The following PPFIBP1 variants were observed in gnomAD, a reference collection of about 807,000 sequenced individuals.
The protein encoded by PPFIBP1 is liprin-beta-1.
PPFIBP1 carries 112 observed loss-of-function variants against 137.8 expected under a neutral mutation model. The ratio of observed to expected loss-of-function variants is 0.81; its 90% CI spans 0.70 to 0.95. The LOEUF is 0.95. Ranked by LOEUF, PPFIBP1 falls within the 40% of genes least tolerant of loss-of-function variation. The pLI is 0.00. For synonymous variants in PPFIBP1, 378 were observed against 417.3 expected, an observed-to-expected ratio of 0.91 and a Z score of 1.15; for missense variants, 1,083 against 1,196.6, an observed-to-expected ratio of 0.91 and a Z score of 1.40.
intron 11 of PPFIBP1, among the ~76,000 whole-genome samples, chr12:27,662,857 A>G (rs1264223529): frequency 6.6e-6 from 1 of 152,246 alleles, no homozygotes; most frequent in Non-Finnish European, 1.5e-5. Flanking sequence ...GGAGAAATGC[A>G]GAGTTGTAGA....
At chr12:27,670,778 CAAAAA>C (rs1173003497) in intron 13 of PPFIBP1, among the ~76,000 whole-genome samples, 14 of 142,168 alleles carry the variant, frequency 9.8e-5, no homozygotes, top group African/African-American at 3.6e-4. Context: ...GACCCTGTCT[CAAAAA>C]AAAAAAAAAA....
At chr12:27,553,445 G>A (rs1253878803) in intron 1 of PPFIBP1, among the ~76,000 whole-genome samples, 1 of 152,208 alleles carries the variant, frequency 6.6e-6, no homozygotes, top group Non-Finnish European at 1.5e-5. Context: ...AGCTTTCTCT[G>A]TGGATGGGAC....
chr12:27,688,343 G>A lies in PPFIBP1; in HGVS notation c.2416G>A (p.Val806Met), dbSNP rs1166845304. Residue 806 changes from valine (V) to methionine (M), a missense_variant, in exon 26 of 30, where the codon GTG becomes ATG. Transcript: ENST00000228425. ...SEVQKWTNHR[V>M]MEWLRSVDLA... The stretch of plus-strand genomic sequence containing the variant: ...AGTTCAGAAGTGGACTAACCATCGA[G>A]TGATGGAGTGGCTGCGCTCCGTGGA... 1 of 1,614,056 alleles carries A rather than the reference G, an allele frequency of 6.2e-7. No homozygotes were observed. The highest frequency in any genetic ancestry group is 2.2e-5 in the East Asian group (1 of 44,882).
intron 2 of PPFIBP1, among the ~76,000 whole-genome samples, chr12:27,605,573 T>C (rs1177378149): frequency 6.6e-6 from 1 of 152,118 alleles, no homozygotes; most frequent in Non-Finnish European, 1.5e-5. Flanking sequence ...TAACTTAATA[T>C]ATAAAATATA....
At chr12:27,539,553 C>T (rs889825920) in intron 1 of PPFIBP1, among the ~76,000 whole-genome samples, 6 of 152,072 alleles carry the variant, frequency 3.9e-5, no homozygotes, top group African/African-American at 1.4e-4. Flanking sequence ...ATCAAGAAGC[C>T]CTATGTTTTT....
chr12:27,576,793 A>C (rs1278258361), intron 1 of PPFIBP1, among the ~76,000 whole-genome samples: 1 of 152,154 alleles, frequency 6.6e-6, no homozygotes, highest in East Asian at 1.9e-4. Flanking sequence ...CCACTTCTCC[A>C]ACTAAATCTT....
At chr12:27,563,700 A>G (rs1465033805) in intron 1 of PPFIBP1, among the ~76,000 whole-genome samples, 1 of 152,064 alleles carries the variant, frequency 6.6e-6, no homozygotes, top group Non-Finnish European at 1.5e-5. Flanking sequence ...TCCTGGTGGC[A>G]CTACTCCCTC....
intron 21 of PPFIBP1, 133 bp from the exon 22 acceptor site, chr12:27,681,413 T>G: frequency 1.0e-6 from 1 of 991,116 alleles, no homozygotes; most frequent in Non-Finnish European, 1.5e-6. Flanking sequence ...TACTAAAAAT[T>G]AAGCTTTTCA....
chr12:27,588,748 CTG>C (rs1411573189), intron 2 of PPFIBP1, among the ~76,000 whole-genome samples: 2 of 152,142 alleles, frequency 1.3e-5, no homozygotes, highest in Admixed American at 1.3e-4. Flanking sequence ...GTGCCACAAT[CTG>C]AAAAGCTGTG....
intron 1 of PPFIBP1, among the ~76,000 whole-genome samples, chr12:27,535,751 C>T (rs1944926884): frequency 6.6e-6 from 1 of 152,194 alleles, no homozygotes; most frequent in South Asian, 2.1e-4. Context: ...TGCAGAATTA[C>T]TGAAGTTGTC....
rs1441398408 is a variant in PPFIBP1, at chr12:27,612,938, T to TCAC, written c.-35-20422_-35-20421insCCA. Among the ~76,000 whole-genome samples, 22 of 141,708 alleles carry TCAC rather than the reference T, an allele frequency of 1.6e-4. 1 individual carries two copies. The highest frequency in any genetic ancestry group is 6.0e-4 in the African/African-American group (21 of 34,878). The allele number at this position is 141,708 out of a possible 152,430, so 93.0% of individuals were successfully genotyped here. A position where few individuals can be genotyped will look rare whatever the true frequency, so the allele number is the denominator to read the frequency against. On this transcript the variant is annotated intron_variant, in intron 2 of 29. Coordinates refer to ENST00000228425, the MANE Select transcript of PPFIBP1 (RefSeq NM_003622.4). ...GGTTAGATAATACACATCATCATCA[T>TCAC]CATCATCATCATCATCATCATCATC... is the stretch of plus-strand genomic sequence containing the variant.
intron 2 of PPFIBP1, among the ~76,000 whole-genome samples, chr12:27,631,331 G>A (rs756208362): frequency 9.2e-5 from 14 of 152,150 alleles, no homozygotes; most frequent in Non-Finnish European, 2.1e-4. Flanking sequence ...TATTAGAGAA[G>A]TCTTTGGCCT....
At chr12:27,571,777 C>G (rs1413722091) in intron 1 of PPFIBP1, among the ~76,000 whole-genome samples, 1 of 152,042 alleles carries the variant, frequency 6.6e-6, no homozygotes, top group Non-Finnish European at 1.5e-5. Flanking sequence ...TTTCACAATG[C>G]TTGTGGGATC....
At chr12:27,581,967 C>CGTGT (rs372486548) in intron 2 of PPFIBP1, among the ~76,000 whole-genome samples, 1 of 148,860 alleles carries the variant, frequency 6.7e-6, no homozygotes, top group Non-Finnish European at 1.5e-5. Flanking sequence ...AGATGCTTTG[C>CGTGT]GTGTGTGTGT....
intron 2 of PPFIBP1, among the ~76,000 whole-genome samples, chr12:27,579,702 T>A (rs2050900765): frequency 6.6e-6 from 1 of 152,200 alleles, no homozygotes; most frequent in Admixed American, 6.5e-5. Flanking sequence ...CTTCTATGAA[T>A]GTGTTGTGCA....
chr12:27,592,187 A>G (rs1272545143), intron 2 of PPFIBP1, among the ~76,000 whole-genome samples: 1 of 152,154 alleles, frequency 6.6e-6, no homozygotes, highest in Non-Finnish European at 1.5e-5. Context: ...CTCAGGTTGG[A>G]ATTGGATTTG....
chr12:27,680,890 A>T (rs896355915), intron 21 of PPFIBP1, among the ~76,000 whole-genome samples: 4 of 152,194 alleles, frequency 2.6e-5, no homozygotes, highest in African/African-American at 9.7e-5. Context: ...CACTGGACAT[A>T]GGTTACATCA....
At chr12:27,691,967 A>G (rs1317496432) in intron 28 of PPFIBP1, 39 bp downstream of exon 28, 1 of 1,529,130 alleles carries the variant, frequency 6.5e-7, no homozygotes, top group Non-Finnish European at 8.8e-7. Flanking sequence ...GAGTTCTTCC[A>G]TCATTCAGAC....
chr12:27,622,584 C>T (rs1011601799), intron 2 of PPFIBP1, among the ~76,000 whole-genome samples: 2 of 152,206 alleles, frequency 1.3e-5, no homozygotes, highest in African/African-American at 4.8e-5. Flanking sequence ...ATAAAGTATG[C>T]ATTCGTAGGC....
Sources: gnomAD v4.1 joint callset for allele counts (sites outside exome capture counted in the v4.1 genomes callset) on GRCh38, gnomAD v4.1.1 for gene constraint, MANE v1.5 for transcripts, NCBI Gene and HGNC (gene_info 2026-07-23, HGNC 2026-07-21) for gene names.